Variants in NRXN3 observed in about 807,000 individuals in gnomAD.
NRXN3 encodes the protein neurexin 3.
Under a neutral mutation model 137.6 loss-of-function variants are expected in NRXN3, and 32 were observed. The observed-to-expected ratio is 0.23, with a 90% confidence interval of 0.18 to 0.31. NRXN3 has a LOEUF of 0.31. Ranked by LOEUF, NRXN3 falls within the 10% of genes least tolerant of loss-of-function variation. The pLI is 1.00. For synonymous variants in NRXN3, 798 were observed against 784.5 expected (o/e 1.02, Z -0.29); for missense variants, 1,574 against 2,062.5 (o/e 0.76, Z 4.59).
intron 1 of NRXN3, among the ~76,000 whole-genome samples, chr14:78,195,725 G>A (rs1049225566): frequency 6.6e-6 from 1 of 152,156 alleles, no homozygotes; most frequent in Non-Finnish European, 1.5e-5. Flanking sequence ...TTCCAGACAA[G>A]GAAACTAAAG....
At chr14:79,777,722 TAAAATAAGA>T (rs2099101414) in intron 19 of NRXN3, among the ~76,000 whole-genome samples, 1 of 151,954 alleles carries the variant, frequency 6.6e-6, no homozygotes, top group Admixed American at 6.6e-5. Flanking sequence ...CCAAAGCCAG[TAAAATAAGA>T]ATTTTGTGGG....
intron 15 of NRXN3, among the ~76,000 whole-genome samples, chr14:79,308,525 A>G (rs972388513): frequency 1.3e-5 from 2 of 152,152 alleles, no homozygotes; most frequent in Non-Finnish European, 2.9e-5. Context: ...AAAGTCAGAT[A>G]TATTTTTATA....
At chr14:79,758,347 CT>C (rs2099026905) in intron 19 of NRXN3, among the ~76,000 whole-genome samples, 1 of 152,120 alleles carries the variant, frequency 6.6e-6, no homozygotes, top group African/African-American at 2.4e-5. Context: ...CCCTAGGAAG[CT>C]TTCACTCATG....
intron 4 of NRXN3, among the ~76,000 whole-genome samples, chr14:78,492,516 G>A (rs970924661): frequency 1.3e-5 from 2 of 152,092 alleles, no homozygotes; most frequent in Non-Finnish European, 2.9e-5. Context: ...AGATATATTA[G>A]TTTTAGTATT....
At chr14:79,377,619 G>T (rs2153448213) in intron 15 of NRXN3, among the ~76,000 whole-genome samples, 1 of 152,142 alleles carries the variant, frequency 6.6e-6, no homozygotes, top group East Asian at 1.9e-4. Flanking sequence ...AGTCAAGCAT[G>T]GTGTCGTGCA....
intron 4 of NRXN3, among the ~76,000 whole-genome samples, chr14:78,442,294 A>G (rs1300305381): frequency 4.0e-5 from 6 of 151,392 alleles, no homozygotes; most frequent in Non-Finnish European, 2.9e-5. Context: ...AAAAAAAAAA[A>G]AGAAATACAC....
At chr14:78,312,898 CTA>C (rs2078142168) in intron 4 of NRXN3, among the ~76,000 whole-genome samples, 1 of 152,134 alleles carries the variant, frequency 6.6e-6, no homozygotes, top group Non-Finnish European at 1.5e-5. Context: ...GTGTTTTCTA[CTA>C]TGTGCTCCGC....
chr14:79,567,868 A>T (rs895591148), intron 16 of NRXN3, among the ~76,000 whole-genome samples: 1 of 152,074 alleles, frequency 6.6e-6, no homozygotes, highest in Non-Finnish European at 1.5e-5. Flanking sequence ...TCACTATAAG[A>T]TAGTGTCAAC....
chr14:78,982,790 T>C (rs2099492736), intron 14 of NRXN3, among the ~76,000 whole-genome samples: 2 of 152,054 alleles, frequency 1.3e-5, no homozygotes, highest in East Asian at 1.9e-4. Context: ...ACAAATGAGA[T>C]TGCATGAAGC....
At chr14:78,773,114 G>C (rs981599195) in intron 8 of NRXN3, among the ~76,000 whole-genome samples, 8 of 152,194 alleles carry the variant, frequency 5.3e-5, no homozygotes, top group Non-Finnish European at 1.0e-4. Flanking sequence ...GTTTGCACTT[G>C]AGGATGAAGT....
At chr14:78,981,805 C>A (rs1055874756) in intron 14 of NRXN3, among the ~76,000 whole-genome samples, 2 of 152,010 alleles carry the variant, frequency 1.3e-5, no homozygotes, top group Non-Finnish European at 2.9e-5. Flanking sequence ...TTTTTCTCCC[C>A]CAAGACATGT....
intron 17 of NRXN3, among the ~76,000 whole-genome samples, chr14:79,671,473 A>G (rs546945291): frequency 3.9e-5 from 6 of 152,118 alleles, no homozygotes; most frequent in East Asian, 3.9e-4. Flanking sequence ...GGCTTTATCT[A>G]TATCATCGGT....
At chr14:79,152,746 A>G (rs2059917776) in intron 15 of NRXN3, among the ~76,000 whole-genome samples, 1 of 151,964 alleles carries the variant, frequency 6.6e-6, no homozygotes, top group Non-Finnish European at 1.5e-5. Flanking sequence ...CCCTGACCCC[A>G]CCCTTGACAT....
intron 10 of NRXN3, among the ~76,000 whole-genome samples, chr14:78,915,258 T>G (rs1428013814): frequency 6.7e-6 from 1 of 149,384 alleles, no homozygotes; most frequent in Non-Finnish European, 1.5e-5. Context: ...GAGTACTGTG[T>G]GGTTTATAAA....
intron 1 of NRXN3, among the ~76,000 whole-genome samples, chr14:78,240,419 CAGGGGAT>C (rs2066932172): frequency 6.6e-6 from 1 of 152,166 alleles, no homozygotes; most frequent in Non-Finnish European, 1.5e-5. Flanking sequence ...ATGGGCTATA[CAGGGGAT>C]CAAGGCCCTT....
chr14:79,397,286 A>C (rs985960842), intron 15 of NRXN3, among the ~76,000 whole-genome samples: 1 of 152,186 alleles, frequency 6.6e-6, no homozygotes, highest in Non-Finnish European at 1.5e-5. Flanking sequence ...CTGACTTCTA[A>C]TTACATGCAT....
intron 4 of NRXN3, among the ~76,000 whole-genome samples, chr14:78,548,492 T>G (rs966513159): frequency 6.6e-6 from 1 of 152,080 alleles, no homozygotes; most frequent in Admixed American, 6.5e-5. Flanking sequence ...TAGACAGAAG[T>G]TTTTTAAAAA....
intron 19 of NRXN3, among the ~76,000 whole-genome samples, chr14:79,779,126 T>C (rs967064382): frequency 6.6e-6 from 1 of 152,184 alleles, no homozygotes; most frequent in Non-Finnish European, 1.5e-5. Context: ...TGTTGTTTTC[T>C]TTTTGAGACA....
chr14:78,984,571 C>T (rs1357351142), intron 14 of NRXN3, among the ~76,000 whole-genome samples: 2 of 152,058 alleles, frequency 1.3e-5, no homozygotes, highest in Admixed American at 6.6e-5. Flanking sequence ...CAGCAGGAAG[C>T]GCAAAGGAAC....
Sources: allele counts gnomAD v4.1 joint callset (sites outside exome capture counted in the v4.1 genomes callset), GRCh38; gene constraint gnomAD v4.1.1; transcripts MANE v1.5; gene names NCBI Gene and HGNC (gene_info 2026-07-23, HGNC 2026-07-21).